Variants in AVEN observed in about 807,000 individuals in gnomAD.
The protein encoded by AVEN is cell death regulator Aven.
In AVEN, 41 loss-of-function variants were observed where a neutral mutation model predicts 38.1. The observed-to-expected ratio is 1.08, with a 90% CI of 0.84 to 1.40. AVEN has a LOEUF of 1.40. Among genes scored for constraint, AVEN ranks in the 40% most tolerant of loss-of-function variants. AVEN has a pLI of 0.00. For missense variants in AVEN, 605 were observed against 438.8 expected, an observed-to-expected ratio of 1.38 and a Z score of -3.38; for synonymous variants, 206 against 171.8, an observed-to-expected ratio of 1.20 and a Z score of -1.56.
intron 2 of AVEN, among the ~76,000 whole-genome samples, chr15:33,949,402 T>C (rs1436536489): frequency 6.6e-6 from 1 of 152,250 alleles, no homozygotes; most frequent in Non-Finnish European, 1.5e-5. Flanking sequence ...TCTATAAGAT[T>C]TGGGATGTTC....
chr15:33,985,626 T>C (rs1745514174), intron 2 of AVEN, among the ~76,000 whole-genome samples: 1 of 151,912 alleles, frequency 6.6e-6, no homozygotes, highest in South Asian at 2.1e-4. Flanking sequence ...AACAATATTC[T>C]GAAAGGCAGG....
intron 2 of AVEN, among the ~76,000 whole-genome samples, chr15:33,979,127 A>G (rs1896023113): frequency 1.3e-5 from 2 of 152,218 alleles, no homozygotes. Context: ...CAATTTGATT[A>G]TAGCTTACTC....
chr15:33,868,544 CAAAAAAAAAAAAA>C (rs35851228), intron 4 of AVEN, among the ~76,000 whole-genome samples: 17 of 66,234 alleles, frequency 2.6e-4, no homozygotes, highest in Admixed American at 2.3e-3. Context: ...GACTCCGTCT[CAAAAAAAAAAAAA>C]AAAAAAAAAA....
chr15:34,025,544 G>A (rs996210307), intron 1 of AVEN, among the ~76,000 whole-genome samples: 4 of 152,150 alleles, frequency 2.6e-5, no homozygotes, highest in African/African-American at 9.7e-5. Context: ...GGACGTTATT[G>A]GGTCATCTGG....
At chr15:33,945,767 C>A (rs764320221) in intron 2 of AVEN, among the ~76,000 whole-genome samples, 1 of 151,952 alleles carries the variant, frequency 6.6e-6, no homozygotes, top group Admixed American at 6.6e-5. Flanking sequence ...TTTGTATTTT[C>A]GTAGAGACGG....
chr15:33,961,184 A>T (rs1895145428), intron 2 of AVEN, among the ~76,000 whole-genome samples: 1 of 152,020 alleles, frequency 6.6e-6, no homozygotes, highest in Non-Finnish European at 1.5e-5. Context: ...GATATTTTAC[A>T]GAGACAGAGT....
At chr15:34,033,355 A>C (rs904707744) in intron 1 of AVEN, among the ~76,000 whole-genome samples, 6 of 152,020 alleles carry the variant, frequency 3.9e-5, no homozygotes, top group Non-Finnish European at 8.8e-5. Flanking sequence ...AAATACAAAA[A>C]ATTAGCCGGG....
At chr15:33,878,702 G>A (rs543828985) in intron 2 of AVEN, among the ~76,000 whole-genome samples, 119 of 152,106 alleles carry the variant, frequency 7.8e-4, no homozygotes, top group African/African-American at 2.5e-3. Flanking sequence ...CAAAGAATAC[G>A]TATTAATCTA....
intron 2 of AVEN, among the ~76,000 whole-genome samples, chr15:33,975,287 C>T (rs982049102): frequency 6.6e-6 from 1 of 152,176 alleles, no homozygotes; most frequent in Non-Finnish European, 1.5e-5. Context: ...CATATAGACA[C>T]TGCCAAATAC....
intron 2 of AVEN, among the ~76,000 whole-genome samples, chr15:34,068,606 A>G (rs1456166014): frequency 6.6e-6 from 1 of 152,176 alleles, no homozygotes; most frequent in Non-Finnish European, 1.5e-5. Flanking sequence ...GTTATTATGT[A>G]ATCTACAGTC....
chr15:34,012,123 A>T (rs902565723), intron 1 of AVEN, among the ~76,000 whole-genome samples: 15 of 152,238 alleles, frequency 9.9e-5, no homozygotes, highest in African/African-American at 3.4e-4. Flanking sequence ...TGCAAGTCCC[A>T]ACTCCCAGGT....
chr15:33,884,855 G>A (rs1891640199), intron 2 of AVEN, among the ~76,000 whole-genome samples: 1 of 152,242 alleles, frequency 6.6e-6, no homozygotes, highest in Non-Finnish European at 1.5e-5. Flanking sequence ...ATCTTCCCAA[G>A]CCTACCACCC....
chr15:33,900,022 A>C (rs2153042884), intron 2 of AVEN, among the ~76,000 whole-genome samples: 1 of 152,306 alleles, frequency 6.6e-6, no homozygotes, highest in South Asian at 2.1e-4. Context: ...ATTCAATGGA[A>C]ATTCACAGTA....
intron 2 of AVEN, among the ~76,000 whole-genome samples, chr15:33,962,454 T>C (rs1318011656): frequency 1.3e-5 from 2 of 152,196 alleles, no homozygotes; most frequent in Non-Finnish European, 2.9e-5. Context: ...CTCCCCATCA[T>C]ACCTAGATAC....
intron 2 of AVEN, among the ~76,000 whole-genome samples, chr15:33,918,031 T>A (rs1168363990): frequency 2.0e-5 from 3 of 152,152 alleles, no homozygotes; most frequent in Non-Finnish European, 4.4e-5. Context: ...TAATTACAGG[T>A]TGAAATAATA....
chr15:34,073,423 G>T (rs1477965355), intron 1 of AVEN, among the ~76,000 whole-genome samples: 1 of 139,472 alleles, frequency 7.2e-6, no homozygotes, highest in African/African-American at 2.7e-5. Context: ...CTCATATCTT[G>T]CAGAAAATAT....
chr15:33,872,688 T>C (rs1891029981), intron 3 of AVEN, among the ~76,000 whole-genome samples: 2 of 152,176 alleles, frequency 1.3e-5, no homozygotes, highest in Non-Finnish European at 2.9e-5. Context: ...TCCTACTGGA[T>C]AAGTCACCAT....
chr15:33,876,918 T>G (rs1460414308), intron 2 of AVEN, among the ~76,000 whole-genome samples: 2 of 152,202 alleles, frequency 1.3e-5, no homozygotes, highest in African/African-American at 4.8e-5. Context: ...CCCACATTTT[T>G]ATAAATTTAA....
chr15:33,954,685 G>C (rs1894891959), intron 2 of AVEN, among the ~76,000 whole-genome samples: 1 of 151,826 alleles, frequency 6.6e-6, no homozygotes, highest in Admixed American at 6.6e-5. Context: ...AATAGCATTA[G>C]GAGATATACC....
Sources: allele counts gnomAD v4.1 joint callset (sites outside exome capture counted in the v4.1 genomes callset), GRCh38; gene constraint gnomAD v4.1.1; transcripts MANE v1.5; gene names NCBI Gene and HGNC (gene_info 2026-07-23, HGNC 2026-07-21).